The following PDE5A variants were observed in gnomAD, a reference collection of about 807,000 sequenced individuals.
PDE5A encodes the protein phosphodiesterase 5A.
In PDE5A, 67 loss-of-function variants were observed where a neutral mutation model predicts 110.2. That is an observed-to-expected ratio of 0.61 (90% CI 0.50 to 0.75). PDE5A has a LOEUF of 0.75. Among genes scored for constraint, PDE5A ranks in the 30% least tolerant of loss-of-function variants. The pLI, the probability that PDE5A is intolerant of heterozygous loss-of-function variation, is 0.00. For synonymous variants in PDE5A, 328 were observed against 351.2 expected (o/e 0.93, Z 0.74); for missense variants, 862 against 1,045.1 (o/e 0.82, Z 2.42).
chr4:119,524,921 A>G (rs1726254627), intron 12 of PDE5A, among the ~76,000 whole-genome samples: 1 of 152,146 alleles, frequency 6.6e-6, no homozygotes, highest in Non-Finnish European at 1.5e-5. Flanking sequence ...TTTTCTGAGA[A>G]GTGAATAAGG....
intron 1 of PDE5A, among the ~76,000 whole-genome samples, chr4:119,619,314 T>C (rs2110562906): frequency 6.6e-6 from 1 of 152,318 alleles, no homozygotes; most frequent in Non-Finnish European, 1.5e-5. Flanking sequence ...AAACTGATAC[T>C]CGGCTCTCCT....
intron 3 of PDE5A, among the ~76,000 whole-genome samples, chr4:119,580,461 T>G (rs1444858595): frequency 6.6e-6 from 1 of 152,202 alleles, no homozygotes; most frequent in Non-Finnish European, 1.5e-5. Context: ...CATGGCAGGG[T>G]ACATTCAGTG....
chr4:119,517,743 T>C (rs1395024944), intron 14 of PDE5A, among the ~76,000 whole-genome samples: 1 of 151,920 alleles, frequency 6.6e-6, no homozygotes, highest in Non-Finnish European at 1.5e-5. Flanking sequence ...GAGCAATCCA[T>C]ACACTAATAA....
intron 6 of PDE5A, among the ~76,000 whole-genome samples, chr4:119,561,355 A>G (rs1346404279): frequency 3.3e-5 from 5 of 152,220 alleles, no homozygotes; most frequent in African/African-American, 1.2e-4. Context: ...AATGAATATA[A>G]AGTCACCTAA....
chr4:119,530,013 G>A (rs569957730), intron 11 of PDE5A, among the ~76,000 whole-genome samples: 7 of 152,108 alleles, frequency 4.6e-5, no homozygotes, highest in Non-Finnish European at 8.8e-5. Flanking sequence ...TCAGCAATCT[G>A]CGTTACAAAA....
chr4:119,585,529 C>T (rs1728730493), intron 3 of PDE5A, among the ~76,000 whole-genome samples: 1 of 152,108 alleles, frequency 6.6e-6, no homozygotes, highest in African/African-American at 2.4e-5. Context: ...TTTAAGAGAT[C>T]ATTTTAATTA....
chr4:119,606,866 G>A lies in PDE5A; in HGVS notation c.584C>T (p.Ser195Phe). 1 of 1,614,200 alleles carries A rather than the reference G, an allele frequency of 6.2e-7. No homozygotes were observed. The highest frequency in any genetic ancestry group is 8.5e-7 in the Non-Finnish European group (1 of 1,180,038). Residue 195 changes from serine (S) to phenylalanine (F), a missense_variant, in exon 2 of 21, where the codon TCC becomes TTC. By Grantham distance (155) the Ser-to-Phe change is radical (BLOSUM62 -2). Coordinates refer to ENST00000354960, the MANE Select transcript of PDE5A (RefSeq NM_001083.4). The stretch of plus-strand genomic sequence containing the variant: ...GCGGCTGATAAGAAACTTGTCATTG[G>A]AGCTGTCTTCACAGACAAGGAACAG... ...YSLFLVCEDSSNDKFLISRLF... is the reference protein window; with the variant it reads ...YSLFLVCEDSFNDKFLISRLF...
rs1725030342 is a variant in PDE5A, at chr4:119,495,535, AG to A, written c.*3065del. 2 of 152,720 alleles carry A rather than the reference AG, an allele frequency of 1.3e-5. No homozygotes were observed. Among genetic ancestry groups the A allele is most frequent in the Admixed American group, 6.5e-5 (1 of 15,268 alleles). The allele number at this position is 152,720 out of a possible 1,614,324, so 9.5% of individuals were successfully genotyped here. On this transcript the variant is annotated 3_prime_UTR_variant, in exon 21 of 21. Coordinates refer to ENST00000354960, the MANE Select transcript of PDE5A (RefSeq NM_001083.4). ...AAAAAATTGTAGATCAAATTGGAACAGGTCTAATATTTATTTGCTATGCTGA... is the reference window on the plus strand; with the variant it reads ...AAAAAATTGTAGATCAAATTGGAACAGTCTAATATTTATTTGCTATGCTGA...
chr4:119,595,273 G>T (rs550899764), intron 3 of PDE5A, among the ~76,000 whole-genome samples: 12 of 152,264 alleles, frequency 7.9e-5, no homozygotes, highest in African/African-American at 2.9e-4. Flanking sequence ...GATTGGCAGT[G>T]GTTCTCAACC....
chr4:119,576,786 G>C (rs1323283585), intron 3 of PDE5A, among the ~76,000 whole-genome samples: 1 of 152,084 alleles, frequency 6.6e-6, no homozygotes, highest in African/African-American at 2.4e-5. Flanking sequence ...AACAAGAGAA[G>C]CAAGAGCAAA....
chr4:119,593,517 T>C (rs1729051159), intron 3 of PDE5A, among the ~76,000 whole-genome samples: 1 of 152,152 alleles, frequency 6.6e-6, no homozygotes, highest in Admixed American at 6.5e-5. Context: ...TTAAATGACA[T>C]TCTAGAAAAA....
chr4:119,503,809 A>C (rs1725459184), intron 18 of PDE5A, among the ~76,000 whole-genome samples: 1 of 152,112 alleles, frequency 6.6e-6, no homozygotes, highest in African/African-American at 2.4e-5. Context: ...ATATCTTACA[A>C]ATATTATGTG....
At chr4:119,510,027 G>T (rs572575804) in intron 15 of PDE5A, among the ~76,000 whole-genome samples, 1 of 151,488 alleles carries the variant, frequency 6.6e-6, no homozygotes, top group East Asian at 2.0e-4. Context: ...CAAGTATGAA[G>T]AGGTAAGAAA....
chr4:119,575,465 C>A (rs1161314021), intron 3 of PDE5A, among the ~76,000 whole-genome samples: 1 of 152,172 alleles, frequency 6.6e-6, no homozygotes, highest in African/African-American at 2.4e-5. Flanking sequence ...AAAGGGAAGC[C>A]CCTCAGACTA....
At chr4:119,597,441 A>G (rs1729192047) in intron 2 of PDE5A, among the ~76,000 whole-genome samples, 1 of 152,072 alleles carries the variant, frequency 6.6e-6, no homozygotes, top group South Asian at 2.1e-4. Flanking sequence ...TTACCTTACC[A>G]TATAGTTTAA....
chr4:119,601,317 C>A (rs1729335032), intron 2 of PDE5A, among the ~76,000 whole-genome samples: 1 of 151,964 alleles, frequency 6.6e-6, no homozygotes, highest in South Asian at 2.1e-4. Flanking sequence ...TCAATCATAC[C>A]TACATAATAA....
chr4:119,536,678 A>G (rs927123407), intron 11 of PDE5A, among the ~76,000 whole-genome samples: 2 of 152,174 alleles, frequency 1.3e-5, no homozygotes, highest in African/African-American at 4.8e-5. Flanking sequence ...TCACTGGCAA[A>G]TGACTCAGTT....
chr4:119,505,296 T>C (rs189300343), intron 17 of PDE5A, among the ~76,000 whole-genome samples: 6 of 152,096 alleles, frequency 3.9e-5, no homozygotes, highest in African/African-American at 9.6e-5. Context: ...TATCCACTTA[T>C]CTCTCTCTTT....
chr4:119,608,526 A>G (rs1166894784), intron 1 of PDE5A, among the ~76,000 whole-genome samples: 1 of 152,166 alleles, frequency 6.6e-6, no homozygotes, highest in African/African-American at 2.4e-5. Context: ...AATTTTATCT[A>G]AAAATTAGAC....
Sources: allele counts gnomAD v4.1 joint callset (sites outside exome capture counted in the v4.1 genomes callset), GRCh38; gene constraint gnomAD v4.1.1; transcripts MANE v1.5; gene names NCBI Gene and HGNC (gene_info 2026-07-23, HGNC 2026-07-21).